The following FGF1 variants were observed in gnomAD, a reference collection of about 807,000 sequenced individuals.
FGF1 encodes the protein beta-endothelial cell growth factor.
FGF1 carries 9 observed loss-of-function variants against 13.4 expected under a neutral mutation model. The ratio of observed to expected loss-of-function variants is 0.67; its 90% CI spans 0.40 to 1.17. The LOEUF is 1.17. Ranked by LOEUF, FGF1 falls within the 50% of genes most tolerant of loss-of-function variation. The pLI is 0.01. For missense variants in FGF1, 156 were observed against 192.7 expected, an observed-to-expected ratio of 0.81 and a Z score of 1.13; for synonymous variants, 93 against 79.0, an observed-to-expected ratio of 1.18 and a Z score of -0.94.
At chr5:142,625,059 A>T (rs773663820) in intron 1 of FGF1, among the ~76,000 whole-genome samples, 2 of 152,226 alleles carry the variant, frequency 1.3e-5, no homozygotes, top group African/African-American at 2.4e-5. Flanking sequence ...TAGATTCTGA[A>T]ACATATCTAG....
At chr5:142,644,923 C>T (rs1280362951) in intron 1 of FGF1, among the ~76,000 whole-genome samples, 2 of 152,196 alleles carry the variant, frequency 1.3e-5, no homozygotes, top group Non-Finnish European at 2.9e-5. Context: ...CCAGTTAACT[C>T]GCCAGCTTTC....
intron 1 of FGF1, among the ~76,000 whole-genome samples, chr5:142,638,584 A>G (rs1034470784): frequency 1.3e-5 from 2 of 152,108 alleles, no homozygotes; most frequent in Non-Finnish European, 1.5e-5. Context: ...TAAATCTGCT[A>G]GAAGAAAACA....
At chr5:142,689,213 C>G (rs180801697), upstream of FGF1, among the ~76,000 whole-genome samples, 1 of 152,298 alleles carries the variant, frequency 6.6e-6, no homozygotes, top group East Asian at 1.9e-4. Flanking sequence ...CATTTTCTTT[C>G]TAATCTCATT....
intron 1 of FGF1, chr5:142,685,400 C>G (rs1774472340): frequency 6.6e-6 from 1 of 152,228 alleles, no homozygotes; most frequent in African/African-American, 2.4e-5. Flanking sequence ...AAAATCTAAG[C>G]TGCCCACCAT....
chr5:142,646,674 A>G (rs1766209353), intron 1 of FGF1, among the ~76,000 whole-genome samples: 1 of 151,248 alleles, frequency 6.6e-6, no homozygotes, highest in Non-Finnish European at 1.5e-5. Flanking sequence ...TATAGTTTTT[A>G]GTAGAGACGA....
chr5:142,691,613 G>A (rs999715197), intron 2 of FGF1, among the ~76,000 whole-genome samples: 3 of 152,046 alleles, frequency 2.0e-5, no homozygotes, highest in African/African-American at 7.2e-5. Flanking sequence ...TCAAGCTCGA[G>A]TGTGCACTGG....
chr5:142,653,766 C>T (rs949093969), intron 1 of FGF1, among the ~76,000 whole-genome samples: 3 of 152,198 alleles, frequency 2.0e-5, no homozygotes, highest in Non-Finnish European at 4.4e-5. Flanking sequence ...TTAAGTCAGG[C>T]TCTCCCTCCA....
intron 1 of FGF1, among the ~76,000 whole-genome samples, chr5:142,633,186 T>A (rs1042002343): frequency 2.0e-5 from 3 of 152,172 alleles, no homozygotes; most frequent in African/African-American, 2.4e-5. Flanking sequence ...CCCAAAGTAC[T>A]GGGATAGGTT....
intron 1 of FGF1, among the ~76,000 whole-genome samples, chr5:142,649,241 A>G (rs1055141812): frequency 6.6e-6 from 1 of 152,188 alleles, no homozygotes. Context: ...ACACACATCA[A>G]CAGCTTGCTC....
chr5:142,609,751 T>C (rs1758650979), intron 2 of FGF1, among the ~76,000 whole-genome samples: 2 of 152,370 alleles, frequency 1.3e-5, no homozygotes, highest in South Asian at 2.1e-4. Flanking sequence ...TGAGCACTTA[T>C]GTGCCTAGCA....
At chr5:142,629,412 C>T (rs1290782725) in intron 1 of FGF1, among the ~76,000 whole-genome samples, 2 of 152,188 alleles carry the variant, frequency 1.3e-5, no homozygotes, top group East Asian at 1.9e-4. Flanking sequence ...AGTCCTTCCA[C>T]CCTGGCCTTC....
At chr5:142,610,266 T>C (rs958635177) in intron 2 of FGF1, among the ~76,000 whole-genome samples, 1 of 152,204 alleles carries the variant, frequency 6.6e-6, no homozygotes, top group Non-Finnish European at 1.5e-5. Flanking sequence ...CAGTCACTTA[T>C]CAAATTAATG....
At chr5:142,696,410 A>G (rs1248739106) in intron 2 of FGF1, among the ~76,000 whole-genome samples, 1 of 152,164 alleles carries the variant, frequency 6.6e-6, no homozygotes, top group African/African-American at 2.4e-5. Context: ...CAGTCCATGC[A>G]GTTTTGGGGA....
chr5:142,595,910 T>C (rs17223940), intron 3 of FGF1, among the ~76,000 whole-genome samples: 2 of 152,178 alleles, frequency 1.3e-5, no homozygotes, highest in East Asian at 3.9e-4. Context: ...ACATTCCAAA[T>C]AGGTAAAAAC....
At chr5:142,658,902 G>T (rs1373250524) in intron 1 of FGF1, among the ~76,000 whole-genome samples, 9 of 152,128 alleles carry the variant, frequency 5.9e-5, no homozygotes, top group Admixed American at 5.9e-4. Context: ...AGTCCCCAGT[G>T]CCTGGCATGT....
chr5:142,682,085 ATTT>A (rs371659888), intron 1 of FGF1, among the ~76,000 whole-genome samples: 65 of 134,938 alleles, frequency 4.8e-4, no homozygotes, highest in Non-Finnish European at 4.9e-4. Flanking sequence ...TTTCTCCTCT[ATTT>A]TTTTTTTTTT....
chr5:142,598,488 C>T (rs527672323), intron 3 of FGF1, among the ~76,000 whole-genome samples: 6 of 151,994 alleles, frequency 3.9e-5, no homozygotes, highest in Admixed American at 1.3e-4. Context: ...ACATAGGTGA[C>T]ATATACTTAC....
At chr5:142,646,933 C>A (rs531368034) in intron 1 of FGF1, among the ~76,000 whole-genome samples, 2 of 152,154 alleles carry the variant, frequency 1.3e-5, no homozygotes, top group Non-Finnish European at 2.9e-5. Context: ...ATAAATCAAT[C>A]GGAGTTGAAG....
At chr5:142,653,290 C>T (rs1288914127) in intron 1 of FGF1, among the ~76,000 whole-genome samples, 1 of 152,138 alleles carries the variant, frequency 6.6e-6, no homozygotes, top group Non-Finnish European at 1.5e-5. Context: ...GTCACGGCAG[C>T]CGGTAGTTGC....
Sources: gnomAD v4.1 joint callset for allele counts (sites outside exome capture counted in the v4.1 genomes callset) on GRCh38, gnomAD v4.1.1 for gene constraint, MANE v1.5 for transcripts, NCBI Gene and HGNC (gene_info 2026-07-23, HGNC 2026-07-21) for gene names.